PTCH1: variants seen among roughly 807,000 people sequenced by gnomAD.
PTCH1 encodes the protein patched 1.
Under a neutral mutation model 144.6 loss-of-function variants are expected in PTCH1, and 14 were observed. The observed-to-expected ratio is 0.10, with a 90% confidence interval of 0.06 to 0.15. The LOEUF (loss-of-function observed/expected upper bound fraction) is 0.15, where lower values mean the gene tolerates loss of function less well. Among genes scored for constraint, PTCH1 ranks in the 10% least tolerant of loss-of-function variants. The probability of loss-of-function intolerance (pLI) is 1.00; values close to 1 mark genes in which losing one functional copy is unlikely to be tolerated. For missense variants in PTCH1, 1,623 were observed against 1,948.3 expected, an observed-to-expected ratio of 0.83 and a Z score of 3.14; for synonymous variants, 833 against 793.6, an observed-to-expected ratio of 1.05 and a Z score of -0.83.
chr9:95,508,316 C>T lies in PTCH1; in HGVS notation c.46G>A (p.Gly16Ser), dbSNP rs1057515721. ...GGGGCACCGATACAGCCGCTGCCGC[C>T]GCCGCCGCGGTCCTGGGGCTCGGCG... ...NAAEPQDRGG[G>S]GSGCIGAPGR... Residue 16 changes from glycine (G) to serine (S), a missense_variant, in exon 1 of 24, where the codon GGC (glycine) becomes AGC (serine). By Grantham distance (56) the Gly-to-Ser change is moderately conservative (BLOSUM62 0). Coordinates refer to ENST00000331920, the MANE Select transcript of PTCH1 (RefSeq NM_000264.5). The T allele has an allele frequency of 6.9e-5, 95 of 1,386,634 alleles. No homozygotes were observed. Among genetic ancestry groups the T allele is most frequent in the Non-Finnish European group, 8.5e-5 (91 of 1,076,224 alleles). The allele number at this position is 1,386,634 out of a possible 1,614,324, so 85.9% of individuals were successfully genotyped here.
chr9:95,450,032 G>C, intron 20 of PTCH1, 92 bp from the exon 21 acceptor site: 1 of 1,158,456 alleles, frequency 8.6e-7, no homozygotes, highest in Non-Finnish European at 1.3e-6. Context: ...GGCAACGCCA[G>C]AAATGAACAA....
intron 14 of PTCH1, 70 bp from the exon 15 acceptor site, chr9:95,467,495 G>A: frequency 1.3e-6 from 2 of 1,496,480 alleles, no homozygotes; most frequent in Non-Finnish European, 9.2e-7. Flanking sequence ...AAGAGAAGCT[G>A]TCTAGTTAAT....
chr9:95,505,970 C>T (rs1179510582), intron 2 of PTCH1, among the ~76,000 whole-genome samples: 2 of 147,710 alleles, frequency 1.4e-5, no homozygotes, highest in Non-Finnish European at 3.0e-5. Context: ...CTGGCTCTCC[C>T]CGACTCCTTT....
At chr9:95,457,910 T>C in intron 18 of PTCH1, 103 bp downstream of exon 18, 4 of 1,458,910 alleles carry the variant, frequency 2.7e-6, no homozygotes, top group Non-Finnish European at 3.8e-6. Context: ...ATGCAAGCTA[T>C]ACCCTCCTCC....
chr9:95,449,934 G>T lies in PTCH1; in HGVS notation c.3456C>A (p.Phe1152Leu). Residue 1152 changes from phenylalanine to leucine, a missense_variant, in exon 21 of 24, where the codon TTC becomes TTA. Phe to Leu is a conservative substitution (Grantham distance 22). Around this residue, in one of 7 missense-constraint regions of PTCH1, gnomAD observed 504 missense variants for 679.3 expected, o/e 0.74. Transcript: ENST00000331920. The surrounding 1 kb of genome is among the most constrained non-coding windows in gnomAD (Gnocchi z 5.3). ...TGGTGAGGATCGCCAGCACAGCAAA[G>T]AAATACCTGGGAGATCAAGAGGAAA... The part of the protein sequence containing the change: ...GSEFDFIVRY[F>L]FAVLAILTIL... The T allele has an allele frequency of 6.2e-7, 1 of 1,614,028 alleles. No individual in the cohort carries two copies. Among genetic ancestry groups the T allele is most frequent in the Non-Finnish European group, 8.5e-7 (1 of 1,179,938 alleles).
intron 15 of PTCH1, among the ~76,000 whole-genome samples, chr9:95,465,375 A>G (rs1357155522): frequency 6.6e-6 from 1 of 152,198 alleles, no homozygotes; most frequent in African/African-American, 2.4e-5. Flanking sequence ...AATGGGGGGA[A>G]AATGAAAGCA....
chr9:95,487,315 A>G (rs530134508), intron 2 of PTCH1, among the ~76,000 whole-genome samples: 2 of 152,344 alleles, frequency 1.3e-5, no homozygotes, highest in South Asian at 2.1e-4. Flanking sequence ...ATAAAAAGGA[A>G]TAAGACTTCT....
At chr9:95,479,875 A>T (rs2118381070) in intron 7 of PTCH1, 94 bp downstream of exon 7, 1 of 1,579,180 alleles carries the variant, frequency 6.3e-7, no homozygotes, top group Non-Finnish European at 8.7e-7. Context: ...TTTAAGTATT[A>T]ATACAAATAC....
intron 1 of PTCH1, 54 bp downstream of exon 1, chr9:95,508,106 TC>T: frequency 6.2e-7 from 1 of 1,602,704 alleles, no homozygotes; most frequent in Non-Finnish European, 8.5e-7. Flanking sequence ...GCGGGGGCGA[TC>T]CCAAAGAGTT....
chr9:95,477,840 G>C, intron 9 of PTCH1, 138 bp from the exon 10 acceptor site: 3 of 1,446,628 alleles, frequency 2.1e-6, no homozygotes, highest in Non-Finnish European at 2.8e-6. Flanking sequence ...CATCAAGGGC[G>C]TCACATAAAA....
chr9:95,492,633 A>AC (rs35573169), intron 2 of PTCH1, among the ~76,000 whole-genome samples: 5 of 150,746 alleles, frequency 3.3e-5, no homozygotes, highest in Non-Finnish European at 4.4e-5. Context: ...TGTGAATATC[A>AC]CCCCCCCTTA....
At chr9:95,498,758 A>G (rs1205591633) in intron 2 of PTCH1, among the ~76,000 whole-genome samples, 1 of 152,192 alleles carries the variant, frequency 6.6e-6, no homozygotes, top group African/African-American at 2.4e-5. Flanking sequence ...GACCCTGATT[A>G]TATCTGTGTA....
intron 2 of PTCH1, among the ~76,000 whole-genome samples, chr9:95,488,279 AC>A (rs1219634971): frequency 6.6e-6 from 1 of 152,076 alleles, no homozygotes; most frequent in Non-Finnish European, 1.5e-5. Flanking sequence ...GAATTGGAAA[AC>A]CTGTCGCTCC....
intron 19 of PTCH1, 128 bp downstream of exon 19, chr9:95,456,148 C>A (rs1838901840): frequency 1.4e-6 from 2 of 1,395,944 alleles, no homozygotes; most frequent in South Asian, 2.6e-5. Context: ...TCCTAGGGGG[C>A]CCCTGTGCCC....
chr9:95,466,796 T>G (rs1168247214), intron 15 of PTCH1, among the ~76,000 whole-genome samples: 1 of 152,208 alleles, frequency 6.6e-6, no homozygotes. Context: ...GTCACCAAAC[T>G]AGCCACCGTC....
chr9:95,509,286 G>A (rs1415906376), upstream of PTCH1, among the ~76,000 whole-genome samples: 1 of 152,166 alleles, frequency 6.6e-6, no homozygotes, highest in African/African-American at 2.4e-5. Flanking sequence ...GAGAGCGAGC[G>A]AAAGAGAAAA....
chr9:95,453,358 T>C (rs1838636448), intron 20 of PTCH1, 120 bp downstream of exon 20: 8 of 1,474,770 alleles, frequency 5.4e-6, no homozygotes, highest in South Asian at 4.6e-5. Context: ...CTTGAACTCC[T>C]TGACCTTCTG....
chr9:95,480,920 T>TA (rs34757337), intron 5 of PTCH1, among the ~76,000 whole-genome samples: 6 of 147,174 alleles, frequency 4.1e-5, no homozygotes, highest in Admixed American at 6.9e-5. Context: ...TTTTTTTTTT[T>TA]AAAAAAGAGG....
intron 12 of PTCH1, among the ~76,000 whole-genome samples, chr9:95,474,687 C>T (rs1233961210): frequency 6.6e-6 from 1 of 152,164 alleles, no homozygotes; most frequent in African/African-American, 2.4e-5. Flanking sequence ...TTGCCCAGGC[C>T]TCTTGGTTAC....
Sources: gnomAD v4.1 joint callset for allele counts (sites outside exome capture counted in the v4.1 genomes callset) on GRCh38, gnomAD v4.1.1 for gene constraint, gnomAD v4.1.1 regional missense constraint, Gnocchi (gnomAD v3.1) non-coding constraint, MANE v1.5 for transcripts, NCBI Gene and HGNC (gene_info 2026-07-23, HGNC 2026-07-21) for gene names.